The following ZNF334 variants were observed in gnomAD, a reference collection of about 807,000 sequenced individuals.
The protein encoded by ZNF334 is zinc finger protein 334.
In ZNF334, 14 loss-of-function variants were observed where a neutral mutation model predicts 12.4. The observed-to-expected ratio is 1.13, with a 90% CI of 0.74 to 1.76. The LOEUF (loss-of-function observed/expected upper bound fraction) is 1.76, where lower values mean the gene tolerates loss of function less well. Ranked by LOEUF, ZNF334 falls within the 40% of genes most tolerant of loss-of-function variation. ZNF334 has a pLI of 0.00. For synonymous variants in ZNF334, 273 were observed against 269.6 expected, an observed-to-expected ratio of 1.01 and a Z score of -0.12; for missense variants, 797 against 804.5, an observed-to-expected ratio of 0.99 and a Z score of 0.11.
the ZNF334 span, chr20:46,492,927 GA>G: frequency 7.4e-3 from 1,078 of 146,448 alleles, 12 homozygotes; most frequent in East Asian, 0.078. Context: ...CCTAAACATA[GA>G]AAAAAAAAAA....
chr20:46,496,742 T>C (rs2061033408), downstream of ZNF334: 1 of 152,318 alleles, frequency 6.6e-6, no homozygotes, highest in African/African-American at 2.4e-5. Context: ...GCTCAGTAGA[T>C]GAGCCTGTGG....
In ZNF334 at chr20:46,502,569, C is replaced by A; in HGVS notation, c.770G>T (p.Arg257Ile). 1.2e-6 allele frequency: 2 copies of A among 1,613,910 alleles called. No homozygotes were observed. The highest frequency in any genetic ancestry group is 1.7e-6 in the Non-Finnish European group (2 of 1,179,962). ...SKRSTLIVHQ[R>I]IHTGEKPYVC... is the part of the protein sequence containing the mutation. The stretch of plus-strand genomic sequence containing the variant: ...ATACGGTTTCTCCCCTGTATGAATT[C>A]TCTGATGTACAATGAGGGTAGATCT... Residue 257 changes from arginine to isoleucine, a missense_variant, in exon 5 of 5, where the codon AGA becomes ATA. Coordinates refer to ENST00000692313, the MANE Select transcript of ZNF334 (RefSeq NM_001353824.2).
At position 46,501,313 on chromosome 20, in the gene ZNF334, T is replaced by G; in HGVS notation, c.2026A>C (p.Lys676Gln). The change falls in exon 5 of 5, where the codon AAA becomes CAA. Residue 676 changes from lysine (K) to glutamine (Q), a missense_variant. Physicochemically the swap from Lys to Gln is moderately conservative, Grantham distance 53. Transcript: ENST00000692313. ...GTTGGAACTTATTCCTTGTGGGATTTCTGATGTAAAAGAAAGTTTGATTTG... is the reference window on the plus strand; with the variant it reads ...GTTGGAACTTATTCCTTGTGGGATTGCTGATGTAAAAGAAAGTTTGATTTG... ...RHKSNFLLHQ[K>Q]SHKE is the part of the protein sequence containing the mutation. 1.9e-6 allele frequency: 3 copies of G among 1,610,742 alleles called. No homozygotes were observed. The highest frequency in any genetic ancestry group is 2.5e-6 in the Non-Finnish European group (3 of 1,178,002).
chr20:46,502,687 A>G lies in ZNF334; in HGVS notation c.652T>C (p.Phe218Leu). 6.2e-7 allele frequency: 1 copy of G among 1,612,990 alleles called. No homozygotes were observed. The highest frequency in any genetic ancestry group is 8.5e-7 in the Non-Finnish European group (1 of 1,179,974). The stretch of plus-strand genomic sequence containing the variant: ...GTAATGAGAATTGCCCTCTTGAAGA[A>G]GGTTTTCCCACATTTATTATAGTCA... ...PFDYNKCGKT[F>L]FKRAILITQK... The change falls in exon 5 of 5, where the codon TTC (phenylalanine) becomes CTC (leucine). Residue 218 changes from phenylalanine (F) to leucine (L), a missense_variant. Phe to Leu is a conservative substitution (Grantham distance 22). Coordinates refer to ENST00000692313, the MANE Select transcript of ZNF334 (RefSeq NM_001353824.2).
At chr20:46,503,745 AG>A (rs1437553177) in intron 4 of ZNF334, among the ~76,000 whole-genome samples, 4 of 152,314 alleles carry the variant, frequency 2.6e-5, no homozygotes, top group Admixed American at 6.5e-5. Context: ...TTTGCATGCC[AG>A]GCACCTTGTT....
the ZNF334 span, among the ~76,000 whole-genome samples, chr20:46,481,632 G>A: frequency 1.3e-5 from 2 of 152,220 alleles, no homozygotes; most frequent in Non-Finnish European, 2.9e-5. Flanking sequence ...AAATCTATGG[G>A]AGAGCTGGAG....
At chr20:46,468,860 C>T in the ZNF334 span, among the ~76,000 whole-genome samples, 2 of 152,136 alleles carry the variant, frequency 1.3e-5, no homozygotes, top group African/African-American at 2.4e-5. Context: ...CAATATGAGA[C>T]ATAATTACTA....
At chr20:46,471,631 C>T in the ZNF334 span, among the ~76,000 whole-genome samples, 10 of 150,422 alleles carry the variant, frequency 6.6e-5, no homozygotes, top group Non-Finnish European at 1.2e-4. Flanking sequence ...TTTAAGTATA[C>T]GGTGAAAGGT....
At chr20:46,510,710 A>T (rs1338027739) in intron 2 of ZNF334, among the ~76,000 whole-genome samples, 2 of 148,680 alleles carry the variant, frequency 1.3e-5, no homozygotes, top group Non-Finnish European at 3.0e-5. Flanking sequence ...GTGAGCTGAG[A>T]TCGTGCCACT....
At position 46,500,355 on chromosome 20, in the gene ZNF334, C is replaced by A. The variant is rs1300763163; in HGVS notation, c.*941G>T. ...TCATATATATCCATATAATGTAATC[C>A]TAATCAGCATCCCAGGCGCCTTTTG... On this transcript the variant is annotated 3_prime_UTR_variant, in exon 5 of 5. Coordinates refer to ENST00000692313, the MANE Select transcript of ZNF334 (RefSeq NM_001353824.2). The A allele has an allele frequency of 4.6e-5, 7 of 152,134 alleles. No individual in the cohort carries two copies. The highest frequency in any genetic ancestry group is 4.6e-4 in the Admixed American group (7 of 15,276). 9.4% of individuals were successfully genotyped at this position (152,134 alleles called of 1,614,324 possible).
the ZNF334 span, chr20:46,464,540 G>T: frequency 2.3e-6 from 1 of 441,336 alleles, no homozygotes; most frequent in East Asian, 5.2e-5. Context: ...CTTCTCATGG[G>T]CCTCAGGACA....
chr20:46,486,312 G>A, the ZNF334 span, among the ~76,000 whole-genome samples: 2 of 152,196 alleles, frequency 1.3e-5, no homozygotes, highest in East Asian at 3.9e-4. Flanking sequence ...TACTTGGGAG[G>A]CTGAGGCAGG....
At position 46,501,123 on chromosome 20, in the gene ZNF334, A is replaced by C. The variant is rs2061142502; in HGVS notation, c.*173T>G. The C allele has an allele frequency of 1.4e-6, 1 of 700,510 alleles. No individual in the cohort carries two copies. The highest frequency in any genetic ancestry group is 1.8e-5 in the African/African-American group (1 of 56,210). The allele number at this position is 700,510 out of a possible 1,614,324, so 43.4% of individuals were successfully genotyped here. ...GAATAATACATTTATTAAACAAATT[A>C]TTTCTTTCCTACATGATTTCTCTGA... On this transcript the variant is annotated 3_prime_UTR_variant, in exon 5 of 5. Transcript: ENST00000692313.
intron 2 of ZNF334, among the ~76,000 whole-genome samples, chr20:46,510,376 C>A (rs575891671): frequency 6.6e-6 from 1 of 151,778 alleles, no homozygotes; most frequent in Non-Finnish European, 1.5e-5. Flanking sequence ...GTTTATGTGA[C>A]AACATTAGCA....
chr20:46,506,367 T>C (rs1045146953), intron 2 of ZNF334: 1 of 608,194 alleles, frequency 1.6e-6, no homozygotes, highest in Non-Finnish European at 2.9e-6. Context: ...GGCGCACACC[T>C]ATAATCCCAG....
chr20:46,487,425 C>G, the ZNF334 span, among the ~76,000 whole-genome samples: 3 of 152,124 alleles, frequency 2.0e-5, no homozygotes, highest in Non-Finnish European at 4.4e-5. Context: ...TCTGAAATTT[C>G]TTTTATTCCA....
the ZNF334 span, among the ~76,000 whole-genome samples, chr20:46,472,335 A>C: frequency 1.3e-5 from 2 of 152,254 alleles, no homozygotes; most frequent in Non-Finnish European, 2.9e-5. Context: ...ATGAGGAAAC[A>C]GATAATAAAC....
downstream of ZNF334, among the ~76,000 whole-genome samples, chr20:46,496,379 C>T (rs917807705): frequency 6.6e-6 from 1 of 152,142 alleles, no homozygotes; most frequent in Admixed American, 6.5e-5. Context: ...GTACCACTTA[C>T]AGAATCAGTC....
intron 2 of ZNF334, among the ~76,000 whole-genome samples, chr20:46,510,586 C>A (rs1344048723): frequency 6.6e-6 from 1 of 151,568 alleles, no homozygotes; most frequent in African/African-American, 2.4e-5. Context: ...ATTAGCCAGG[C>A]GTGGTGGCGG....
Sources: gnomAD v4.1 joint callset for allele counts (sites outside exome capture counted in the v4.1 genomes callset) on GRCh38, gnomAD v4.1.1 for gene constraint, MANE v1.5 for transcripts, NCBI Gene and HGNC (gene_info 2026-07-23, HGNC 2026-07-21) for gene names.